C1QTNF7: variants seen among roughly 807,000 people sequenced by gnomAD.
C1QTNF7 encodes the protein complement C1q tumor necrosis factor-related protein 7.
C1QTNF7 carries 15 observed loss-of-function variants against 19.6 expected under a neutral mutation model. The observed-to-expected ratio is 0.76, with a 90% CI of 0.51 to 1.18. C1QTNF7 has a LOEUF of 1.18. C1QTNF7 is among the 50% of genes most tolerant of loss of function. The pLI is 0.00. For missense variants in C1QTNF7, 324 were observed against 359.7 expected, an observed-to-expected ratio of 0.90 and a Z score of 0.80; for synonymous variants, 142 against 137.5, an observed-to-expected ratio of 1.03 and a Z score of -0.23.
intron 1 of C1QTNF7, among the ~76,000 whole-genome samples, chr4:15,392,292 T>C (rs1446359567): frequency 6.6e-6 from 1 of 152,108 alleles, no homozygotes; most frequent in African/African-American, 2.4e-5. Flanking sequence ...CCTGTGTATA[T>C]ATCTAGGGGG....
At chr4:15,407,567 T>C (rs751374861) in intron 1 of C1QTNF7, among the ~76,000 whole-genome samples, 8 of 152,168 alleles carry the variant, frequency 5.3e-5, no homozygotes, top group Non-Finnish European at 1.0e-4. Flanking sequence ...AACCATTGCT[T>C]TGGCTAAAAT....
At chr4:15,347,256 A>C (rs1487137393) in intron 1 of C1QTNF7, among the ~76,000 whole-genome samples, 2 of 152,208 alleles carry the variant, frequency 1.3e-5, no homozygotes, top group Non-Finnish European at 2.9e-5. Flanking sequence ...CAGCAGCAGC[A>C]AAACACTCAT....
intron 1 of C1QTNF7, among the ~76,000 whole-genome samples, chr4:15,362,816 G>A (rs533928566): frequency 4.5e-4 from 69 of 152,286 alleles, no homozygotes; most frequent in African/African-American, 1.5e-3. Flanking sequence ...TCACTTTTCA[G>A]TAGTAACAAA....
intron 1 of C1QTNF7, among the ~76,000 whole-genome samples, chr4:15,389,152 T>A (rs1718458746): frequency 6.6e-6 from 1 of 152,136 alleles, no homozygotes; most frequent in African/African-American, 2.4e-5. Flanking sequence ...GCAGTAGGGA[T>A]GGCCTTCTGA....
At chr4:15,425,250 G>T (rs1711983540), upstream of C1QTNF7, among the ~76,000 whole-genome samples, 2 of 152,224 alleles carry the variant, frequency 1.3e-5, no homozygotes, top group East Asian at 3.9e-4. Flanking sequence ...TTAATCTACT[G>T]ATATGCTCAT....
rs796660978 is a variant in C1QTNF7, at chr4:15,433,114, A to T, written c.-8-2622A>T. Among the ~76,000 whole-genome samples, 80 of 151,684 alleles carry T rather than the reference A, an allele frequency of 5.3e-4. 1 individual carries two copies. Among genetic ancestry groups the T allele is most frequent in the African/African-American group, 1.9e-3 (77 of 41,310 alleles). On this transcript the variant is annotated intron_variant, in intron 1 of 2. Coordinates refer to ENST00000444304, the MANE Select transcript of C1QTNF7 (RefSeq NM_031911.5). ...TGCTTTCAGGTCCCTCCTGAAAGCA[A>T]CTCTGGCCTCAGCCAATAGCCTTGC...
In C1QTNF7 at chr4:15,415,620, C is replaced by CATATATATAT. The variant is rs35377968; in HGVS notation, c.14-20107_14-20098dup. On this transcript the variant is annotated intron_variant, in intron 1 of 2. Transcript: ENST00000295297. Reference sequence around the variant, plus strand: ...GGCCTTCTCTTTTTTTTATTTGATGCATATATATATATATATATTAGAGAT... The same window carrying CATATATATAT: ...GGCCTTCTCTTTTTTTTATTTGATGCATATATATATATATATATATATATATATTAGAGAT... Among the ~76,000 whole-genome samples the CATATATATAT allele has an allele frequency of 1.6e-3, 237 of 146,910 alleles. 1 individual carries two copies. Among genetic ancestry groups the CATATATATAT allele is most frequent in the East Asian group, 0.011 (53 of 4,942 alleles).
chr4:15,370,462 T>C (rs1717680864), intron 1 of C1QTNF7, among the ~76,000 whole-genome samples: 1 of 152,200 alleles, frequency 6.6e-6, no homozygotes, highest in African/African-American at 2.4e-5. Context: ...TGGCTGGCTG[T>C]AATTAGGAAC....
At chr4:15,436,295 G>C (rs1304109070) in intron 2 of C1QTNF7, among the ~76,000 whole-genome samples, 2 of 152,224 alleles carry the variant, frequency 1.3e-5, no homozygotes, top group African/African-American at 4.8e-5. Flanking sequence ...GTAGCTGCCA[G>C]AGCCAGACTC....
chr4:15,363,216 G>A (rs553926451), intron 1 of C1QTNF7, among the ~76,000 whole-genome samples: 23 of 151,732 alleles, frequency 1.5e-4, no homozygotes, highest in African/African-American at 3.9e-4. Flanking sequence ...GGAAGATCAC[G>A]CTGAGCTTAG....
exon 1 of C1QTNF7, chr4:15,340,102 T>G (rs777959346): frequency 7.2e-7 from 1 of 1,397,748 alleles, no homozygotes; most frequent in Non-Finnish European, 9.9e-7. Context: ...AATAAACACA[T>G]ATTTCTGCTT....
At chr4:15,420,561 A>G (rs1463699144) in intron 1 of C1QTNF7, among the ~76,000 whole-genome samples, 1 of 152,236 alleles carries the variant, frequency 6.6e-6, no homozygotes, top group Non-Finnish European at 1.5e-5. Flanking sequence ...AACAAGATGC[A>G]TTACTTCATC....
At chr4:15,346,570 C>G (rs1716724881) in intron 1 of C1QTNF7, among the ~76,000 whole-genome samples, 2 of 152,108 alleles carry the variant, frequency 1.3e-5, no homozygotes, top group African/African-American at 4.8e-5. Flanking sequence ...GTAATTTTTT[C>G]CATTTTCTTT....
At chr4:15,442,105 G>T in intron 2 of C1QTNF7, 63 bp from the exon 3 acceptor site, 3 of 1,509,604 alleles carry the variant, frequency 2.0e-6, no homozygotes, top group Non-Finnish European at 2.7e-6. Context: ...GACCATGTAG[G>T]TATATTGTTT....
chr4:15,393,886 C>T (rs548209781), intron 1 of C1QTNF7, among the ~76,000 whole-genome samples: 1 of 152,198 alleles, frequency 6.6e-6, no homozygotes, highest in Non-Finnish European at 1.5e-5. Flanking sequence ...TGTTCCCACA[C>T]AAGCCTTCCT....
chr4:15,440,171 T>C (rs1712693487), intron 2 of C1QTNF7, among the ~76,000 whole-genome samples: 1 of 152,158 alleles, frequency 6.6e-6, no homozygotes, highest in Admixed American at 6.5e-5. Flanking sequence ...TGTTCCTGTA[T>C]GGTGATTTGG....
At chr4:15,439,869 TTA>T (rs1451970497) in intron 2 of C1QTNF7, among the ~76,000 whole-genome samples, 1 of 151,906 alleles carries the variant, frequency 6.6e-6, no homozygotes, top group Admixed American at 6.6e-5. Flanking sequence ...CATTGCTTTT[TTA>T]TATATATAAC....
intron 1 of C1QTNF7, 100 bp from the exon 2 acceptor site, chr4:15,435,636 T>C (rs531973801): frequency 1.3e-6 from 2 of 1,511,008 alleles, no homozygotes; most frequent in East Asian, 2.3e-5. Flanking sequence ...GAGTGATTTG[T>C]TGCAAATGCA....
In C1QTNF7 at chr4:15,367,023, T is replaced by G. The variant is rs10023286; in HGVS notation, c.13+26816T>G. ...CAACCATTTACATAGGGGGTGCATC[T>G]ATTTATCCATAATGAAAATTGCTGA... On this transcript the variant is annotated intron_variant, in intron 1 of 2. Transcript: ENST00000295297. Among the ~76,000 whole-genome samples the G allele has an allele frequency of 3.1e-3, 467 of 152,346 alleles. 4 individuals carry two copies. Among genetic ancestry groups the G allele is most frequent in the African/African-American group, 0.01 (436 of 41,582 alleles).
Sources: gnomAD v4.1 joint callset for allele counts (sites outside exome capture counted in the v4.1 genomes callset) on GRCh38, gnomAD v4.1.1 for gene constraint, MANE v1.5 for transcripts, NCBI Gene and HGNC (gene_info 2026-07-23, HGNC 2026-07-21) for gene names.